The following TENM2 variants were observed in gnomAD, a reference collection of about 807,000 sequenced individuals.
The protein encoded by TENM2 is teneurin-2.
In TENM2, 52 loss-of-function variants were observed where a neutral mutation model predicts 245.2. The ratio of observed to expected loss-of-function variants is 0.21; its 90% confidence interval spans 0.17 to 0.27. The LOEUF is 0.27. TENM2 is among the 10% of genes least tolerant of loss of function. TENM2 has a pLI of 1.00. For missense variants in TENM2, 3,046 were observed against 3,666.8 expected (o/e 0.83, Z 4.37); for synonymous variants, 1,363 against 1,438.9 (o/e 0.95, Z 1.19).
At chr5:167,358,835 ACACACACACACACACACC>A (rs961911789) in intron 1 of TENM2, among the ~76,000 whole-genome samples, 6 of 118,934 alleles carry the variant, frequency 5.0e-5, no homozygotes, top group African/African-American at 1.8e-4. Flanking sequence ...ACACACACAC[ACACACACACACACACACC>A]CTGCTGTTTT....
At chr5:167,134,296 T>C in the TENM2 span, among the ~76,000 whole-genome samples, 50 of 152,202 alleles carry the variant, frequency 3.3e-4, no homozygotes, top group Non-Finnish European at 5.6e-4. Flanking sequence ...TAGCCGCATA[T>C]TGGACAGCTT....
the TENM2 span, among the ~76,000 whole-genome samples, chr5:167,206,716 A>G: frequency 6.6e-6 from 1 of 152,186 alleles, no homozygotes; most frequent in Non-Finnish European, 1.5e-5. Flanking sequence ...ATATTTTTAA[A>G]TATATTTAAA....
chr5:168,209,422 CA>C (rs1762621766), intron 19 of TENM2, among the ~76,000 whole-genome samples: 1 of 152,192 alleles, frequency 6.6e-6, no homozygotes, highest in African/African-American at 2.4e-5. Context: ...GAGCATTCCT[CA>C]AAGACATTCC....
At chr5:168,167,954 A>G (rs1758456068) in intron 13 of TENM2, among the ~76,000 whole-genome samples, 1 of 152,176 alleles carries the variant, frequency 6.6e-6, no homozygotes, top group African/African-American at 2.4e-5. Context: ...AACATTATTA[A>G]TATTAATGTT....
intron 2 of TENM2, among the ~76,000 whole-genome samples, chr5:167,729,573 CAATT>C (rs369670727): frequency 1.3e-3 from 200 of 152,170 alleles, no homozygotes; most frequent in African/African-American, 4.6e-3. Flanking sequence ...TGGGAAATGT[CAATT>C]AATGAGAGAT....
chr5:168,155,301 A>G (rs1419447030), intron 12 of TENM2, among the ~76,000 whole-genome samples: 2 of 151,898 alleles, frequency 1.3e-5, no homozygotes, highest in Non-Finnish European at 2.9e-5. Flanking sequence ...AATAATGTCC[A>G]GTGTATGTGT....
rs186328769 is a variant in TENM2, at chr5:168,204,704, T to C, written c.3824+83T>C. On this transcript the variant is annotated intron_variant, in intron 19 of 28. Coordinates refer to ENST00000518659, the Ensembl canonical transcript of TENM2. The stretch of plus-strand genomic sequence containing the variant: ...TTGATCGGGTAACTGGGGCTGCATT[T>C]GGGATTCTCCAGAGAAGATATAGTC... 2.0e-5 allele frequency: 31 copies of C among 1,535,048 alleles called. No individual in the cohort carries two copies. The African/African-American group carries it at 3.8e-4, about 19-fold the overall frequency.
intron 2 of TENM2, among the ~76,000 whole-genome samples, chr5:167,831,920 A>G (rs1163856795): frequency 2.0e-5 from 3 of 152,126 alleles, no homozygotes; most frequent in African/African-American, 4.8e-5. Flanking sequence ...GTTTGCACTC[A>G]GACCTTAAGT....
chr5:168,051,278 C>T (rs1789063940), intron 6 of TENM2, among the ~76,000 whole-genome samples: 1 of 152,170 alleles, frequency 6.6e-6, no homozygotes, highest in Admixed American at 6.5e-5. Context: ...CAGCAAACTA[C>T]ATCTCATGGA....
At position 167,365,966 on chromosome 5, in the gene TENM2, T is replaced by C. The variant is rs1561897928; in HGVS notation, c.227-9232T>C. Among the ~76,000 whole-genome samples the C allele has an allele frequency of 2.0e-5, 3 of 151,826 alleles. 1 individual carries two copies. Among genetic ancestry groups the C allele is most frequent in the Non-Finnish European group, 4.4e-5 (3 of 67,820 alleles). The stretch of plus-strand genomic sequence containing the variant: ...CATTAAAGACATAAAGGATCAAATT[T>C]TGAAGGTATAGAAAACAACAATTGA... On this transcript the variant is annotated intron_variant, in intron 1 of 28. Transcript: ENST00000518659.
intron 2 of TENM2, among the ~76,000 whole-genome samples, chr5:167,489,389 C>T (rs1768285346): frequency 6.6e-6 from 1 of 152,124 alleles, no homozygotes. Context: ...TCCTATGTTA[C>T]TTTCTGTTCT....
intron 2 of TENM2, among the ~76,000 whole-genome samples, chr5:167,760,078 G>C (rs12651802): frequency 0.58 from 87,942 of 152,062 alleles, 27,829 homozygotes; most frequent in Middle Eastern, 0.73. Flanking sequence ...TATTTGGAGA[G>C]AGGAGCTAAA....
At chr5:167,136,177 G>A in the TENM2 span, among the ~76,000 whole-genome samples, 4 of 152,156 alleles carry the variant, frequency 2.6e-5, no homozygotes, top group Admixed American at 6.5e-5. Context: ...TATTTTCCAT[G>A]TCTGCATACC....
At chr5:167,165,815 C>G in the TENM2 span, among the ~76,000 whole-genome samples, 2 of 152,042 alleles carry the variant, frequency 1.3e-5, no homozygotes, top group African/African-American at 4.8e-5. Context: ...AAGTTTATGT[C>G]TATACAGCCA....
At chr5:168,219,809 G>A (rs1360155209) in intron 23 of TENM2, among the ~76,000 whole-genome samples, 1 of 129,156 alleles carries the variant, frequency 7.7e-6, no homozygotes, top group Non-Finnish European at 1.6e-5. Flanking sequence ...GTTAAGTTAG[G>A]GAGAGTTGGC....
chr5:167,104,187 C>T, the TENM2 span, among the ~76,000 whole-genome samples: 1 of 151,772 alleles, frequency 6.6e-6, no homozygotes, highest in Non-Finnish European at 1.5e-5. Flanking sequence ...CTGTGGCTGT[C>T]GTTCTCTGCA....
At chr5:167,708,811 A>G (rs999409604) in intron 2 of TENM2, among the ~76,000 whole-genome samples, 2 of 152,180 alleles carry the variant, frequency 1.3e-5, no homozygotes, top group Non-Finnish European at 2.9e-5. Context: ...AATACTATAT[A>G]TGTTAAAGTT....
intron 2 of TENM2, among the ~76,000 whole-genome samples, chr5:167,602,375 C>T (rs541789909): frequency 3.8e-4 from 57 of 151,870 alleles, no homozygotes; most frequent in Non-Finnish European, 6.3e-4. Flanking sequence ...AGAACGATGA[C>T]GTGTGTGTGT....
At chr5:167,579,181 T>C (rs1774917717) in intron 2 of TENM2, among the ~76,000 whole-genome samples, 1 of 152,190 alleles carries the variant, frequency 6.6e-6, no homozygotes, top group East Asian at 1.9e-4. Context: ...GCATCACTCA[T>C]GCACTTGACT....
Sources: allele counts gnomAD v4.1 joint callset (sites outside exome capture counted in the v4.1 genomes callset), GRCh38; gene constraint gnomAD v4.1.1; transcripts MANE v1.5; gene names NCBI Gene and HGNC (gene_info 2026-07-23, HGNC 2026-07-21).